Variants in VTCN1 observed in about 807,000 individuals in gnomAD.
VTCN1 encodes V-set domain-containing T-cell activation inhibitor 1.
VTCN1 carries 26 observed loss-of-function variants against 26.5 expected under a neutral mutation model. The ratio of observed to expected loss-of-function variants is 0.98; its 90% CI spans 0.72 to 1.36. VTCN1 has a LOEUF of 1.36. Ranked by LOEUF, VTCN1 falls within the 40% of genes most tolerant of loss-of-function variation. The probability of loss-of-function intolerance (pLI) is 0.00; values close to 1 mark genes in which losing one functional copy is unlikely to be tolerated. For missense variants in VTCN1, 298 were observed against 337.7 expected, an observed-to-expected ratio of 0.88 and a Z score of 0.92; for synonymous variants, 116 against 130.7, an observed-to-expected ratio of 0.89 and a Z score of 0.77.
chr1:117,169,634 G>A lies in VTCN1; in HGVS notation c.97+473C>T, dbSNP rs530345003. Among the ~76,000 whole-genome samples the A allele has an allele frequency of 2.6e-5, 4 of 152,218 alleles. No individual in the cohort carries two copies. Among genetic ancestry groups the A allele is most frequent in the Admixed American group, 6.5e-5 (1 of 15,286 alleles). On this transcript the variant is annotated intron_variant, in intron 2 of 5. Coordinates refer to ENST00000369458, the MANE Select transcript of VTCN1 (RefSeq NM_024626.4). This position sits in a 1 kb window ranked among gnomAD's most constrained non-coding sequence, Gnocchi z 4.0. ...TAGCCTGGGCACGGTGGCTCAGGCC[G>A]GCAATCCCAGCACTTTGGGAGGCCG...
intron 4 of VTCN1, among the ~76,000 whole-genome samples, chr1:117,151,092 A>G (rs1651764294): frequency 6.6e-6 from 1 of 152,132 alleles, no homozygotes; most frequent in African/African-American, 2.4e-5. Context: ...GTGTTCAAAT[A>G]TCTCATTCAG....
In VTCN1 at chr1:117,156,656, T is replaced by C; in HGVS notation, c.363A>G (p.Gln121=). The C allele has an allele frequency of 6.2e-7, 1 of 1,614,040 alleles. No individual in the cohort carries two copies. Among genetic ancestry groups the C allele is most frequent in the South Asian group, 1.1e-5 (1 of 91,078 alleles). ...ATTTGTAGGTGCCAGCATCTGTGAGTTGCACGTTTTTCAGCCGCAAAGAGG... is the reference window on the plus strand; with the variant it reads ...ATTTGTAGGTGCCAGCATCTGTGAGCTGCACGTTTTTCAGCCGCAAAGAGG... ...GNASLRLKNV[Q]LTDAGTYKCY... The change falls in exon 3 of 6, where the codon CAA becomes CAG. Residue 121 remains glutamine (Q), a synonymous_variant. Transcript: ENST00000369458.
In VTCN1 at chr1:117,159,070, A is replaced by AT. The variant is rs2101476783; in HGVS notation, c.98-2150dup. Reference sequence around the variant, plus strand: ...CAACAAGTCTCTAGGAAGTTTCAAAATTTCCCACATTTTCCTGTCTTCTTC... The same window carrying AT: ...CAACAAGTCTCTAGGAAGTTTCAAAATTTTCCCACATTTTCCTGTCTTCTTC... On this transcript the variant is annotated intron_variant, in intron 2 of 5. Transcript: ENST00000369458. The surrounding 1 kb of genome is among the most constrained non-coding windows in gnomAD (Gnocchi z 4.7). Among the ~76,000 whole-genome samples, 1 of 149,594 alleles carries AT rather than the reference A, an allele frequency of 6.7e-6. No individual in the cohort carries two copies. The highest frequency in any genetic ancestry group is 2.4e-5 in the African/African-American group (1 of 40,848).
At chr1:117,181,054 C>T (rs933936950) in intron 1 of VTCN1, among the ~76,000 whole-genome samples, 2 of 152,174 alleles carry the variant, frequency 1.3e-5, no homozygotes, top group Non-Finnish European at 2.9e-5. Flanking sequence ...ACAGGGCTAT[C>T]GTGAGGGTCC....
chr1:117,178,939 G>A (rs775754422), intron 1 of VTCN1, among the ~76,000 whole-genome samples: 1 of 152,038 alleles, frequency 6.6e-6, no homozygotes, highest in Admixed American at 6.6e-5. Context: ...TTCCATCCCT[G>A]GGTTAGCAGA....
intron 1 of VTCN1, among the ~76,000 whole-genome samples, chr1:117,188,847 T>A (rs1232776895): frequency 6.6e-6 from 1 of 152,248 alleles, no homozygotes; most frequent in South Asian, 2.1e-4. Flanking sequence ...GCGAATAATT[T>A]TAGGTCGTTT....
intron 4 of VTCN1, among the ~76,000 whole-genome samples, chr1:117,149,447 T>G (rs1193390201): frequency 6.6e-6 from 1 of 152,118 alleles, no homozygotes; most frequent in Non-Finnish European, 1.5e-5. Context: ...TTCTTCCCCC[T>G]TTTCTTTCCC....
At chr1:117,163,642 C>T (rs145388577) in intron 2 of VTCN1, among the ~76,000 whole-genome samples, 1 of 152,196 alleles carries the variant, frequency 6.6e-6, no homozygotes, top group East Asian at 1.9e-4. Flanking sequence ...AATGGCTTGC[C>T]GAATGCCTTG....
At chr1:117,200,931 G>T (rs571833856) in intron 1 of VTCN1, among the ~76,000 whole-genome samples, 1 of 152,080 alleles carries the variant, frequency 6.6e-6, no homozygotes, top group Non-Finnish European at 1.5e-5. Flanking sequence ...TAATTTTTTT[G>T]GTTTGTTTTT....
At chr1:117,149,239 T>A (rs1651669058) in intron 4 of VTCN1, among the ~76,000 whole-genome samples, 1 of 151,608 alleles carries the variant, frequency 6.6e-6, no homozygotes, top group Non-Finnish European at 1.5e-5. Context: ...AAACTCGACA[T>A]CTCTAAAACC....
At chr1:117,201,553 C>T (rs2101601484) in intron 1 of VTCN1, among the ~76,000 whole-genome samples, 1 of 152,316 alleles carries the variant, frequency 6.6e-6, no homozygotes, top group Non-Finnish European at 1.5e-5. Flanking sequence ...AATTTGCAAG[C>T]CTGCCCCTAA....
In VTCN1 at chr1:117,159,572, G is replaced by A. The variant is rs1346325146; in HGVS notation, c.98-2651C>T. Among the ~76,000 whole-genome samples the A allele has an allele frequency of 6.6e-6, 1 of 152,154 alleles. No homozygotes were observed. The highest frequency in any genetic ancestry group is 1.5e-5 in the Non-Finnish European group (1 of 68,028). ...CCAAACTATATCACCTACTTTAAAGGTTTCTTGTGAGGATCAAATCAAATG... is the reference window on the plus strand; with the variant it reads ...CCAAACTATATCACCTACTTTAAAGATTTCTTGTGAGGATCAAATCAAATG... On this transcript the variant is annotated intron_variant, in intron 2 of 5. Coordinates refer to ENST00000369458, the MANE Select transcript of VTCN1 (RefSeq NM_024626.4). The surrounding 1 kb of genome is among the most constrained non-coding windows in gnomAD (Gnocchi z 4.7).
At chr1:117,149,083 G>A (rs61442663) in intron 4 of VTCN1, among the ~76,000 whole-genome samples, 16,772 of 152,166 alleles carry the variant, frequency 0.11, 1,341 homozygotes, top group African/African-American at 0.22. Context: ...GGAAGAGAGA[G>A]GCTAAAAAGA....
In VTCN1 at chr1:117,170,188, A is replaced by AGG. The variant is rs761943080; in HGVS notation, c.33-18_33-17insCC. 1 of 1,612,298 alleles carries AGG rather than the reference A, an allele frequency of 6.2e-7. No homozygotes were observed. Among genetic ancestry groups the AGG allele is most frequent in the South Asian group, 1.1e-5 (1 of 91,050 alleles). On this transcript the variant is annotated splice_polypyrimidine_tract_variant and intron_variant, in intron 1 of 5. Coordinates refer to ENST00000369458, the MANE Select transcript of VTCN1 (RefSeq NM_024626.4). ...CTAATTATGCTACGGGAAGAGAGAG[A>AGG]GAAACAGAAAATTAGTTCTCCATTC...
intron 1 of VTCN1, among the ~76,000 whole-genome samples, chr1:117,205,157 T>TAG (rs60000486): frequency 0.025 from 3,447 of 137,920 alleles, 129 homozygotes; most frequent in African/African-American, 0.08. Context: ...TATATATATA[T>TAG]AGAGAGAGAG....
intron 4 of VTCN1, among the ~76,000 whole-genome samples, chr1:117,150,609 CT>C (rs1449707245): frequency 6.6e-6 from 1 of 152,126 alleles, no homozygotes; most frequent in Non-Finnish European, 1.5e-5. Flanking sequence ...TAGTTAGATA[CT>C]TTTTAAAAAT....
chr1:117,198,509 A>G (rs1648624781), intron 1 of VTCN1, among the ~76,000 whole-genome samples: 1 of 152,338 alleles, frequency 6.6e-6, no homozygotes, highest in South Asian at 2.1e-4. Context: ...TGTCTTAGAC[A>G]TTTGGCTCCA....
chr1:117,177,921 C>CT (rs79283862), intron 1 of VTCN1, among the ~76,000 whole-genome samples: 8,744 of 119,042 alleles, frequency 0.073, 397 homozygotes, highest in African/African-American at 0.13. Flanking sequence ...GTTTTCTTTT[C>CT]TTTTTTTTTT....
Position 117,167,659 on chromosome 1 carries a change from G to A in VTCN1, c.97+2448C>T, listed in dbSNP as rs1268085188. 1.3e-5 allele frequency among the ~76,000 whole-genome samples: 2 copies of A among 152,178 alleles called. No homozygotes were observed. ...CATCACTTTGGAAAATTGAATGGCA[G>A]TATCTACTAAAAGCTATTTATTGGC... On this transcript the variant is annotated intron_variant, in intron 2 of 5. Coordinates refer to ENST00000369458, the MANE Select transcript of VTCN1 (RefSeq NM_024626.4). The surrounding 1 kb of genome is among the most constrained non-coding windows in gnomAD (Gnocchi z 4.1).
Sources: allele counts gnomAD v4.1 joint callset (sites outside exome capture counted in the v4.1 genomes callset), GRCh38; gene constraint gnomAD v4.1.1; non-coding constraint Gnocchi (gnomAD v3.1); transcripts MANE v1.5; gene names NCBI Gene and HGNC (gene_info 2026-07-23, HGNC 2026-07-21).